Variants in MX2 observed in about 807,000 individuals in gnomAD.
MX2 encodes the protein MX dynamin like GTPase 2, also known as interferon-induced GTP-binding protein Mx2.
Under a neutral mutation model 74.0 loss-of-function variants are expected in MX2, and 51 were observed. The ratio of observed to expected loss-of-function variants is 0.69; its 90% CI spans 0.55 to 0.87. The LOEUF (loss-of-function observed/expected upper bound fraction) is 0.87. Ranked by LOEUF, MX2 falls within the 40% of genes least tolerant of loss-of-function variation. The pLI is 0.00. For synonymous variants in MX2, 369 were observed against 339.3 expected (o/e 1.09, Z -0.96); for missense variants, 832 against 908.7 (o/e 0.92, Z 1.09).
At chr21:41,378,369 C>T (rs940995791) in intron 3 of MX2, among the ~76,000 whole-genome samples, 45 of 149,868 alleles carry the variant, frequency 3.0e-4, no homozygotes, top group Admixed American at 1.2e-3. Flanking sequence ...GCTTCTCAGG[C>T]CTGGTGGCAG....
At chr21:41,407,604 C>T (rs552917924) in intron 13 of MX2, among the ~76,000 whole-genome samples, 7 of 152,298 alleles carry the variant, frequency 4.6e-5, no homozygotes, top group Admixed American at 2.0e-4. Flanking sequence ...ACCTGGCTGC[C>T]AGGCATACTG....
Position 41,390,558 on chromosome 21 carries a change from G to C in MX2, c.733-7G>C. The C allele has an allele frequency of 1.2e-6, 2 of 1,614,000 alleles. No homozygotes were observed. The highest frequency in any genetic ancestry group is 1.7e-6 in the Non-Finnish European group (2 of 1,179,938). On this transcript the variant is annotated splice_region_variant and splice_polypyrimidine_tract_variant and intron_variant, in intron 5 of 13. Coordinates refer to ENST00000330714, the MANE Select transcript of MX2 (RefSeq NM_002463.2). ...TGCTCTTTCTTTGTGCGATTCTTTGGCATCAGATCAAGGCTCTCATCAAGA... is the reference window on the plus strand; with the variant it reads ...TGCTCTTTCTTTGTGCGATTCTTTGCCATCAGATCAAGGCTCTCATCAAGA...
intron 1 of MX2, among the ~76,000 whole-genome samples, chr21:41,369,341 G>C (rs2089295351): frequency 3.3e-5 from 5 of 152,172 alleles, no homozygotes; most frequent in Admixed American, 2.0e-4. Flanking sequence ...CTCAGGAGCC[G>C]CTGGCTCTGC....
At chr21:41,390,465 A>T in intron 5 of MX2, 100 bp from the exon 6 acceptor site, 1 of 1,516,666 alleles carries the variant, frequency 6.6e-7, no homozygotes, top group Non-Finnish European at 9.1e-7. Context: ...ACTGTGGGAC[A>T]ATGTTGCCTT....
chr21:41,408,148 A>G lies in MX2; in HGVS notation c.2063A>G (p.Lys688Arg). Reference sequence around the variant, plus strand: ...CAAGAGCAGAGTGAGACCGCTACCAAGAGAAGAATCCTTAAGGAGAGAATT... The same window carrying G: ...CAAGAGCAGAGTGAGACCGCTACCAGGAGAAGAATCCTTAAGGAGAGAATT... ...LLQEQSETAT[K>R]RRILKERIYR... The change falls in exon 14 of 14, where the codon AAG becomes AGG. Residue 688 changes from lysine to arginine, a missense_variant. Physicochemically the swap from Lys to Arg is conservative, Grantham distance 26 (BLOSUM62 2). Coordinates refer to ENST00000330714, the MANE Select transcript of MX2 (RefSeq NM_002463.2). The G allele has an allele frequency of 6.2e-7, 1 of 1,614,230 alleles. No individual in the cohort carries two copies. Among genetic ancestry groups the G allele is most frequent in the Non-Finnish European group, 8.5e-7 (1 of 1,180,036 alleles).
At chr21:41,393,994 G>A (rs1271701927) in intron 6 of MX2, among the ~76,000 whole-genome samples, 4 of 152,166 alleles carry the variant, frequency 2.6e-5, no homozygotes, top group Middle Eastern at 3.4e-3. Flanking sequence ...CCTCCAAAAC[G>A]GGTGCCAAAT....
At chr21:41,371,343 G>A (rs142905421) in intron 1 of MX2, among the ~76,000 whole-genome samples, 299 of 152,252 alleles carry the variant, frequency 2.0e-3, no homozygotes, top group Middle Eastern at 6.8e-3. Flanking sequence ...ACTGACTCTT[G>A]AGTACTTGGG....
intron 3 of MX2, among the ~76,000 whole-genome samples, chr21:41,379,336 G>A (rs2089456791): frequency 6.6e-6 from 1 of 152,214 alleles, no homozygotes; most frequent in Non-Finnish European, 1.5e-5. Flanking sequence ...GGGTTCTCAG[G>A]GCTTCACGGC....
chr21:41,381,905 G>A (rs2089500801), intron 4 of MX2, among the ~76,000 whole-genome samples: 1 of 152,150 alleles, frequency 6.6e-6, no homozygotes, highest in Admixed American at 6.5e-5. Flanking sequence ...CTGTGACATG[G>A]CAGCCAGCTT....
rs756816955 is a variant in MX2, at chr21:41,399,050, C to A, written c.1272+31C>A. ...GATTTCCGCAGGACTCCACGTGACA[C>A]TGCATCCTTCCCTGGTGGCCCTGCA... On this transcript the variant is annotated intron_variant, in intron 9 of 13. Coordinates refer to ENST00000330714, the MANE Select transcript of MX2 (RefSeq NM_002463.2). The A allele has an allele frequency of 3.1e-6, 5 of 1,603,534 alleles. No individual in the cohort carries two copies. The Admixed American group carries it at 8.4e-5, about 27-fold the overall frequency.
chr21:41,382,385 G>T, intron 4 of MX2, 25 bp from the exon 5 acceptor site: 1 of 1,609,518 alleles, frequency 6.2e-7, no homozygotes, highest in Non-Finnish European at 8.5e-7. Context: ...AGGGCTCTGG[G>T]TTTCTCCCCT....
At chr21:41,381,983 A>G (rs1434948264) in intron 4 of MX2, among the ~76,000 whole-genome samples, 1 of 152,166 alleles carries the variant, frequency 6.6e-6, no homozygotes, top group African/African-American at 2.4e-5. Flanking sequence ...CTAGTCACAC[A>G]CCATCACCTC....
rs750981202 is a variant in MX2, at chr21:41,403,278, C to G, written c.1585C>G (p.Gln529Glu). The G allele has an allele frequency of 6.2e-6, 10 of 1,612,504 alleles. No homozygotes were observed. Among genetic ancestry groups the G allele is most frequent in the Non-Finnish European group, 8.5e-6 (10 of 1,178,942 alleles). ...CTTTTTTTGGTCAGAAATTATCCAG[C>G]AAGCTTTCATTAACGTGGCCAAAAA... ...MLQKAMEIIQ[Q>E]AFINVAKKHF... The change falls in exon 12 of 14, where the codon CAA becomes GAA. Residue 529 changes from glutamine to glutamate, a missense_variant. Coordinates refer to ENST00000330714, the MANE Select transcript of MX2 (RefSeq NM_002463.2).
intron 10 of MX2, chr21:41,401,358 A>G (rs1257331432): frequency 6.6e-6 from 1 of 152,268 alleles, no homozygotes; most frequent in East Asian, 1.9e-4. Context: ...CTGTGGCTGT[A>G]TGCTTGGGAG....
At position 41,406,995 on chromosome 21, in the gene MX2, C is replaced by T. The variant is rs2089895491; in HGVS notation, c.1902C>T (p.Phe634=). The T allele has an allele frequency of 6.2e-7, 1 of 1,610,560 alleles. No individual in the cohort carries two copies. Among genetic ancestry groups the T allele is most frequent in the Non-Finnish European group, 8.5e-7 (1 of 1,177,054 alleles). Residue 634 remains phenylalanine (F), a synonymous_variant, in exon 13 of 14, where the codon TTC becomes TTT. Transcript: ENST00000330714. ...TEIGIHLNAY[F]LETSKRLANQ... ...TAGGCATCCACCTGAATGCCTACTT[C>T]TTGGTGAGTTCCCGGCGGGGCAGGA...
At chr21:41,377,372 T>C (rs1350203526) in intron 2 of MX2, among the ~76,000 whole-genome samples, 3 of 152,202 alleles carry the variant, frequency 2.0e-5, no homozygotes, top group Non-Finnish European at 2.9e-5. Flanking sequence ...GGCTTCTGTG[T>C]GCGGGGGTCC....
At chr21:41,372,425 G>A (rs1398626711) in intron 1 of MX2, among the ~76,000 whole-genome samples, 3 of 152,120 alleles carry the variant, frequency 2.0e-5, no homozygotes, top group African/African-American at 4.8e-5. Flanking sequence ...AGTTTGCATC[G>A]ATTATTATGA....
chr21:41,401,255 C>T (rs932281260), intron 10 of MX2: 2 of 152,184 alleles, frequency 1.3e-5, no homozygotes. Context: ...AGAGCCAAAC[C>T]ATCTCATTGT....
rs1305398674 is a variant in MX2, at chr21:41,402,075, A to G, written c.1520A>G (p.Gln507Arg). 3 of 1,614,222 alleles carry G rather than the reference A, an allele frequency of 1.9e-6. No homozygotes were observed. In the South Asian group the frequency reaches 3.3e-5, roughly 18 times the overall value. ...AAGACATTTGAGATCATCGTGCATC[A>G]GTACATCCAGCAGCTGGTGGAGCCC... is the stretch of plus-strand genomic sequence containing the variant. ...NYKTFEIIVH[Q>R]YIQQLVEPAL... is the part of the protein sequence containing the mutation. The change falls in exon 11 of 14, where the codon CAG becomes CGG. Residue 507 changes from glutamine (Q) to arginine (R), a missense_variant. Transcript: ENST00000330714. The surrounding 1 kb of genome is among the most constrained non-coding windows in gnomAD (Gnocchi z 4.5).
Sources: allele counts gnomAD v4.1 joint callset (sites outside exome capture counted in the v4.1 genomes callset), GRCh38; gene constraint gnomAD v4.1.1; non-coding constraint Gnocchi (gnomAD v3.1); transcripts MANE v1.5; gene names NCBI Gene and HGNC (gene_info 2026-07-23, HGNC 2026-07-21).